SLC12A1: variants seen among roughly 807,000 people sequenced by gnomAD.
SLC12A1 encodes the protein Na-K-2Cl cotransporter.
Under a neutral mutation model 130.4 loss-of-function variants are expected in SLC12A1, and 89 were observed. The ratio of observed to expected loss-of-function variants is 0.68; its 90% CI spans 0.58 to 0.81. The LOEUF (loss-of-function observed/expected upper bound fraction) is 0.81, where lower values mean the gene tolerates loss of function less well. SLC12A1 is among the 40% of genes least tolerant of loss of function. The probability of loss-of-function intolerance (pLI) is 0.00; values close to 1 mark genes in which losing one functional copy is unlikely to be tolerated. For synonymous variants in SLC12A1, 499 were observed against 460.0 expected (o/e 1.08, Z -1.09); for missense variants, 1,310 against 1,336.4 (o/e 0.98, Z 0.31).
intron 20 of SLC12A1, among the ~76,000 whole-genome samples, chr15:48,281,648 T>TC (rs1255699028): frequency 6.6e-6 from 1 of 152,226 alleles, no homozygotes; most frequent in African/African-American, 2.4e-5. Flanking sequence ...AGCCCAAGTT[T>TC]CCTTTTTGGT....
At chr15:48,209,042 T>C (rs1387747775) in intron 2 of SLC12A1, among the ~76,000 whole-genome samples, 1 of 152,208 alleles carries the variant, frequency 6.6e-6, no homozygotes, top group East Asian at 1.9e-4. Flanking sequence ...TTCCCAAGTC[T>C]GTTAGAAGTG....
At chr15:48,247,287 T>G in intron 12 of SLC12A1, 50 bp from the exon 13 acceptor site, 2 of 1,568,168 alleles carry the variant, frequency 1.3e-6, no homozygotes, top group South Asian at 2.4e-5. Flanking sequence ...CTAGAGAAAA[T>G]GACTGTGCAT....
chr15:48,233,911 T>G (rs1447233120), intron 8 of SLC12A1, among the ~76,000 whole-genome samples: 1 of 152,180 alleles, frequency 6.6e-6, no homozygotes, highest in Non-Finnish European at 1.5e-5. Context: ...TTCCTTCTGT[T>G]TTTCTTCTAG....
chr15:48,237,273 C>T, intron 9 of SLC12A1: 1 of 479,260 alleles, frequency 2.1e-6, no homozygotes, highest in South Asian at 3.0e-5. Flanking sequence ...AAAGATGCTG[C>T]TAATGAGAAT....
chr15:48,278,590 A>G (rs1480524654), intron 20 of SLC12A1, among the ~76,000 whole-genome samples: 1 of 152,226 alleles, frequency 6.6e-6, no homozygotes, highest in African/African-American at 2.4e-5. Context: ...CTGCCTGTCT[A>G]TGGTAACATA....
intron 11 of SLC12A1, among the ~76,000 whole-genome samples, chr15:48,246,499 G>A (rs1199295068): frequency 6.6e-6 from 1 of 152,194 alleles, no homozygotes; most frequent in South Asian, 2.1e-4. Context: ...ATGTGAGAAT[G>A]GCCAAGTGCG....
intron 20 of SLC12A1, among the ~76,000 whole-genome samples, chr15:48,277,910 C>G (rs1181759921): frequency 6.6e-6 from 1 of 152,150 alleles, no homozygotes; most frequent in Non-Finnish European, 1.5e-5. Context: ...TATGTATACT[C>G]TATGATAATG....
At chr15:48,267,728 C>T in intron 18 of SLC12A1, 27 bp downstream of exon 18, 1 of 1,611,306 alleles carries the variant, frequency 6.2e-7, no homozygotes, top group Non-Finnish European at 8.5e-7. Flanking sequence ...GGAATGAGCA[C>T]AGAGGCAAAA....
chr15:48,284,132 C>T (rs1331969276), intron 20 of SLC12A1, among the ~76,000 whole-genome samples: 1 of 152,192 alleles, frequency 6.6e-6, no homozygotes, highest in East Asian at 1.9e-4. Flanking sequence ...TGTCACAAGA[C>T]CCCTTTTAGC....
chr15:48,292,911 G>A (rs112734951), intron 24 of SLC12A1, among the ~76,000 whole-genome samples: 2,822 of 152,020 alleles, frequency 0.019, 101 homozygotes, highest in African/African-American at 0.065. Context: ...TGATATTTTT[G>A]GGGGTTTTGT....
intron 9 of SLC12A1, 61 bp downstream of exon 9, chr15:48,235,065 A>G (rs2041425062): frequency 6.4e-7 from 1 of 1,554,848 alleles, no homozygotes; most frequent in South Asian, 1.1e-5. Context: ...GGGTAGCACA[A>G]GGAGCTAGAG....
intron 2 of SLC12A1, among the ~76,000 whole-genome samples, chr15:48,212,461 G>A (rs973417323): frequency 6.6e-6 from 1 of 151,932 alleles, no homozygotes; most frequent in Non-Finnish European, 1.5e-5. Context: ...ACATACCCTC[G>A]AGATCTTTCC....
In SLC12A1 at chr15:48,271,143, T is replaced by C. The variant is rs1002701407; in HGVS notation, c.2402+1379T>C. On this transcript the variant is annotated intron_variant, in intron 19 of 26. Transcript: ENST00000380993. ...AGGAGAATTACTTGAACCTGGGAGG[T>C]GAAGGTTGCAGTGAGCTGAGATTGC... 2.6e-5 allele frequency among the ~76,000 whole-genome samples: 4 copies of C among 151,588 alleles called. No individual in the cohort carries two copies. In the East Asian group the frequency reaches 7.8e-4, roughly 30 times the overall value.
chr15:48,237,935 G>A (rs2041458018), intron 9 of SLC12A1, among the ~76,000 whole-genome samples: 4 of 152,108 alleles, frequency 2.6e-5, no homozygotes, highest in Admixed American at 2.0e-4. Context: ...ATAATAATCT[G>A]GACAAGAGAT....
chr15:48,219,610 G>A (rs985246839), intron 2 of SLC12A1, among the ~76,000 whole-genome samples: 9 of 150,666 alleles, frequency 6.0e-5, no homozygotes, highest in African/African-American at 1.7e-4. Flanking sequence ...GAAAGAAAGA[G>A]AGAGAGAAGG....
chr15:48,267,666 G>T lies in SLC12A1; in HGVS notation c.2260G>T (p.Asp754Tyr). Residue 754 changes from aspartate (D) to tyrosine (Y), a missense_variant, in exon 18 of 27, where the codon GAC (aspartate) becomes TAC (tyrosine). Physicochemically the swap from Asp to Tyr is radical, Grantham distance 160. Transcript: ENST00000380993. ...IKAFYAAVAA[D>Y]CFRDGVRSLL... ...GGCTTTTTATGCTGCAGTGGCGGCA[G>T]ACTGTTTCAGGGATGGTGTCCGAAG... 1 of 1,613,516 alleles carries T rather than the reference G, an allele frequency of 6.2e-7. No individual in the cohort carries two copies. The highest frequency in any genetic ancestry group is 1.1e-5 in the South Asian group (1 of 91,042).
intron 14 of SLC12A1, 134 bp downstream of exon 14, chr15:48,249,810 T>C: frequency 3.0e-6 from 2 of 659,714 alleles, no homozygotes; most frequent in Middle Eastern, 2.6e-4. Flanking sequence ...CGTAATCCAC[T>C]TTATTTTGGT....
At chr15:48,253,324 T>C (rs2041669102) in intron 15 of SLC12A1, among the ~76,000 whole-genome samples, 1 of 152,224 alleles carries the variant, frequency 6.6e-6, no homozygotes, top group Non-Finnish European at 1.5e-5. Flanking sequence ...ACAAGTTCCA[T>C]TATACCCCTG....
Position 48,241,555 on chromosome 15 carries a change from T to C in SLC12A1, c.1256T>C (p.Ile419Thr). ...DAIPRGTMLA[I>T]FITTVAYLGV... ...ATCCCCAGAGGAACCATGCTGGCCATTTTCATCACCACTGTTGCCTACTTA... is the reference window on the plus strand; with the variant it reads ...ATCCCCAGAGGAACCATGCTGGCCACTTTCATCACCACTGTTGCCTACTTA... Residue 419 changes from isoleucine to threonine, a missense_variant, in exon 10 of 27, where the codon ATT becomes ACT. By Grantham distance (89) the Ile-to-Thr change is moderately conservative. Transcript: ENST00000380993. 6.2e-7 allele frequency: 1 copy of C among 1,613,862 alleles called. No homozygotes were observed. The highest frequency in any genetic ancestry group is 8.5e-7 in the Non-Finnish European group (1 of 1,179,756).
Sources: gnomAD v4.1 joint callset for allele counts (sites outside exome capture counted in the v4.1 genomes callset) on GRCh38, gnomAD v4.1.1 for gene constraint, MANE v1.5 for transcripts, NCBI Gene and HGNC (gene_info 2026-07-23, HGNC 2026-07-21) for gene names.